The following WDFY1 variants were observed in gnomAD, a reference collection of about 807,000 sequenced individuals.
The protein encoded by WDFY1 is WD repeat and FYVE domain-containing protein 1.
Under a neutral mutation model 56.4 loss-of-function variants are expected in WDFY1, and 32 were observed. That is an observed-to-expected ratio of 0.57 (90% CI 0.43 to 0.76). The LOEUF is 0.76. Among genes scored for constraint, WDFY1 ranks in the 30% least tolerant of loss-of-function variants. The probability of loss-of-function intolerance (pLI) is 0.00; values close to 1 mark genes in which losing one functional copy is unlikely to be tolerated. For synonymous variants in WDFY1, 192 were observed against 197.3 expected, an observed-to-expected ratio of 0.97 and a Z score of 0.23; for missense variants, 480 against 545.7, an observed-to-expected ratio of 0.88 and a Z score of 1.20.
intron 11 of WDFY1, among the ~76,000 whole-genome samples, chr2:223,879,759 A>C (rs1693035309): frequency 6.6e-6 from 1 of 152,166 alleles, no homozygotes; most frequent in Admixed American, 6.6e-5. Context: ...TATTCCTTAT[A>C]CTGAGGACGC....
chr2:223,878,736 A>G lies in WDFY1; in HGVS notation c.1174-6T>C, dbSNP rs200873385. 1.9e-5 allele frequency: 31 copies of G among 1,611,766 alleles called. No homozygotes were observed. On this transcript the variant is annotated splice_polypyrimidine_tract_variant and splice_region_variant and intron_variant, in intron 11 of 11. Coordinates refer to ENST00000233055, the MANE Select transcript of WDFY1 (RefSeq NM_020830.5). Reference sequence around the variant, plus strand: ...ACAGGTGTCATGTCCCAGATCTACAAGGAAGGAAGAAACGCAGAAAAGGCA... The same window carrying G: ...ACAGGTGTCATGTCCCAGATCTACAGGGAAGGAAGAAACGCAGAAAAGGCA...
At chr2:223,944,029 TAATA>T (rs935342361) in intron 1 of WDFY1, among the ~76,000 whole-genome samples, 2 of 152,272 alleles carry the variant, frequency 1.3e-5, no homozygotes, top group Admixed American at 6.5e-5. Context: ...TTAGTTTTCC[TAATA>T]AATAAGATTT....
intron 1 of WDFY1, among the ~76,000 whole-genome samples, chr2:223,930,305 A>G (rs1296565069): frequency 6.6e-6 from 1 of 152,182 alleles, no homozygotes; most frequent in African/African-American, 2.4e-5. Flanking sequence ...AGCTCTTTCC[A>G]TCAAGAGATG....
At chr2:223,922,987 T>G (rs531647) in intron 1 of WDFY1, among the ~76,000 whole-genome samples, 1 of 151,954 alleles carries the variant, frequency 6.6e-6, no homozygotes, top group Non-Finnish European at 1.5e-5. Flanking sequence ...TCTAATAAAC[T>G]AGGAAATTGT....
At position 223,945,265 on chromosome 2, in the gene WDFY1, G is replaced by A. The variant is rs978730244; in HGVS notation, c.20C>T (p.Ser7Phe). 6.3e-7 allele frequency: 1 copy of A among 1,580,816 alleles called. No homozygotes were observed. Among genetic ancestry groups the A allele is most frequent in the African/African-American group, 1.4e-5 (1 of 71,246 alleles). Residue 7 changes from serine to phenylalanine, a missense_variant, in exon 1 of 12, where the codon TCC (serine) becomes TTC (phenylalanine). Physicochemically the swap from Ser to Phe is radical, Grantham distance 155. Transcript: ENST00000233055. MAAEIH[S>F]RPQSSRPVLL... ...CACCGGGCGGCTGCTCTGCGGCCTGGAGTGGATTTCGGCCGCCATGTTCGC... is the reference window on the plus strand; with the variant it reads ...CACCGGGCGGCTGCTCTGCGGCCTGAAGTGGATTTCGGCCGCCATGTTCGC...
At chr2:223,913,848 CTTAG>C (rs2106090046) in intron 2 of WDFY1, among the ~76,000 whole-genome samples, 1 of 151,912 alleles carries the variant, frequency 6.6e-6, no homozygotes, top group African/African-American at 2.4e-5. Flanking sequence ...AAAAGGCTTC[CTTAG>C]TTTGTTTTGT....
intron 1 of WDFY1, among the ~76,000 whole-genome samples, chr2:223,919,457 T>G (rs544129716): frequency 6.6e-6 from 1 of 152,334 alleles, no homozygotes; most frequent in African/African-American, 2.4e-5. Flanking sequence ...GTGATCCGCC[T>G]GCCTTGGCCT....
At chr2:223,937,293 T>G (rs1443665015) in intron 1 of WDFY1, among the ~76,000 whole-genome samples, 1 of 152,130 alleles carries the variant, frequency 6.6e-6, no homozygotes. Context: ...GCATACAAAG[T>G]AGAAACATAT....
intron 8 of WDFY1, among the ~76,000 whole-genome samples, chr2:223,885,999 T>C (rs1423481428): frequency 2.6e-5 from 4 of 152,212 alleles, no homozygotes; most frequent in African/African-American, 9.6e-5. Context: ...AGGTTTTTAA[T>C]GCATTTTTGT....
At position 223,894,365 on chromosome 2, in the gene WDFY1, C is replaced by T. The variant is rs374019174; in HGVS notation, c.726-26G>A. Reference sequence around the variant, plus strand: ...CTGCAAACAGCACACACAACAGTCACTTGTCTCCATGCGGAAAAACACAGG... The same window carrying T: ...CTGCAAACAGCACACACAACAGTCATTTGTCTCCATGCGGAAAAACACAGG... On this transcript the variant is annotated intron_variant, in intron 7 of 11. Coordinates refer to ENST00000233055, the MANE Select transcript of WDFY1 (RefSeq NM_020830.5). 71 of 1,612,318 alleles carry T rather than the reference C, an allele frequency of 4.4e-5. No individual in the cohort carries two copies. In the African/African-American group the frequency reaches 7.2e-4, roughly 16 times the overall value.
At chr2:223,880,312 A>G (rs1422927571) in intron 10 of WDFY1, 80 bp from the exon 11 acceptor site, 13 of 1,288,656 alleles carry the variant, frequency 1.0e-5, no homozygotes, top group African/African-American at 1.5e-5. Context: ...AGCAACATAA[A>G]ATAAGCAAAT....
rs1574754261 is a variant in WDFY1 at position 223,878,575 on chromosome 2, C to A, written c.*96G>T. On this transcript the variant is annotated 3_prime_UTR_variant, in exon 12 of 12. Coordinates refer to ENST00000233055, the MANE Select transcript of WDFY1 (RefSeq NM_020830.5). ...ATGTTGATTTGTTTGTAAGTGGCTA[C>A]TGTCCATTCACGAGACAGCGCTGTG... The A allele has an allele frequency of 2.3e-6, 2 of 873,108 alleles. No homozygotes were observed. 54.1% of individuals were successfully genotyped at this position (873,108 alleles called of 1,614,324 possible).
chr2:223,891,098 A>G (rs504535), intron 8 of WDFY1, among the ~76,000 whole-genome samples: 141,267 of 151,912 alleles, frequency 0.93, 65,754 homozygotes, highest in South Asian at 0.96. Flanking sequence ...CCTAAAGGCC[A>G]GGCACGGTGG....
At chr2:223,899,356 C>T in intron 5 of WDFY1, 1 of 290,948 alleles carries the variant, frequency 3.4e-6, no homozygotes, top group Non-Finnish European at 6.5e-6. Context: ...CAAGCAAGAT[C>T]CCAGGAACTG....
At chr2:223,917,915 T>C (rs1693816427) in intron 2 of WDFY1, 28 bp downstream of exon 2, 2 of 1,611,252 alleles carry the variant, frequency 1.2e-6, no homozygotes, top group Admixed American at 1.7e-5. Flanking sequence ...GAGACATTTC[T>C]CTCAAATGGA....
intron 3 of WDFY1, among the ~76,000 whole-genome samples, chr2:223,912,042 T>C (rs1264096851): frequency 2.0e-5 from 3 of 152,056 alleles, no homozygotes; most frequent in Non-Finnish European, 4.4e-5. Context: ...CTCAAACTCC[T>C]GGGCTCAAGC....
chr2:223,938,551 T>G (rs1247470518), intron 1 of WDFY1, among the ~76,000 whole-genome samples: 1 of 152,188 alleles, frequency 6.6e-6, no homozygotes, highest in Non-Finnish European at 1.5e-5. Context: ...TTCAGCAAAA[T>G]ACTAATGACT....
chr2:223,902,789 T>C (rs1693526743), intron 4 of WDFY1, among the ~76,000 whole-genome samples: 1 of 149,950 alleles, frequency 6.7e-6, no homozygotes, highest in Non-Finnish European at 1.5e-5. Context: ...ATATATTAAA[T>C]ATAAATATTA....
chr2:223,892,881 C>T (rs115611408), intron 8 of WDFY1, among the ~76,000 whole-genome samples: 1,602 of 152,270 alleles, frequency 0.011, 36 homozygotes, highest in African/African-American at 0.035. Context: ...TTGAGTTTCC[C>T]GACTGTAAGG....
Sources: gnomAD v4.1 joint callset for allele counts (sites outside exome capture counted in the v4.1 genomes callset) on GRCh38, gnomAD v4.1.1 for gene constraint, MANE v1.5 for transcripts, NCBI Gene and HGNC (gene_info 2026-07-23, HGNC 2026-07-21) for gene names.